Variants in PCNX2 observed in about 807,000 individuals in gnomAD.
PCNX2 encodes the protein pecanex-like protein 2.
In PCNX2, 168 loss-of-function variants were observed where a neutral mutation model predicts 223.8. The observed-to-expected ratio is 0.75, with a 90% CI of 0.66 to 0.85. The LOEUF (loss-of-function observed/expected upper bound fraction) is 0.85, where lower values mean the gene tolerates loss of function less well. Among genes scored for constraint, PCNX2 ranks in the 40% least tolerant of loss-of-function variants. The probability of loss-of-function intolerance (pLI) is 0.00; values close to 1 mark genes in which losing one functional copy is unlikely to be tolerated. For synonymous variants in PCNX2, 1,006 were observed against 1,052.6 expected (o/e 0.96, Z 0.86); for missense variants, 2,507 against 2,675.5 (o/e 0.94, Z 1.39).
intron 12 of PCNX2, among the ~76,000 whole-genome samples, chr1:233,213,601 T>C (rs2102920478): frequency 6.6e-6 from 1 of 152,266 alleles, no homozygotes; most frequent in East Asian, 1.9e-4. Flanking sequence ...CAATAATTTC[T>C]ACATAACCTG....
At chr1:233,074,713 T>A (rs1673018096) in intron 23 of PCNX2, among the ~76,000 whole-genome samples, 1 of 150,698 alleles carries the variant, frequency 6.6e-6, no homozygotes, top group Admixed American at 6.6e-5. Context: ...GGTAAGAAAT[T>A]CTCAAAATTC....
At chr1:233,296,030 C>G (rs1358737047), upstream of PCNX2, among the ~76,000 whole-genome samples, 5 of 145,376 alleles carry the variant, frequency 3.4e-5, no homozygotes, top group African/African-American at 1.3e-4. Flanking sequence ...TCCCCTCTTC[C>G]CTTCCCCTTC....
chr1:233,294,427 A>G (rs1396654254), intron 1 of PCNX2, among the ~76,000 whole-genome samples: 1 of 152,204 alleles, frequency 6.6e-6, no homozygotes, highest in Non-Finnish European at 1.5e-5. Flanking sequence ...CACTGCCGGA[A>G]AAAGAGTAAA....
chr1:233,186,454 G>A (rs560079653), intron 15 of PCNX2, among the ~76,000 whole-genome samples: 44 of 152,160 alleles, frequency 2.9e-4, no homozygotes, highest in Non-Finnish European at 5.3e-4. Context: ...CACGGCCTGC[G>A]GAGTGTCATG....
upstream of PCNX2, among the ~76,000 whole-genome samples, chr1:233,298,003 T>C (rs888382108): frequency 2.6e-5 from 4 of 152,168 alleles, no homozygotes; most frequent in Admixed American, 2.6e-4. Flanking sequence ...AGATTAGCAG[T>C]GAAAGATGAC....
intron 25 of PCNX2, among the ~76,000 whole-genome samples, chr1:233,051,679 A>G (rs1287979735): frequency 6.6e-6 from 1 of 152,158 alleles, no homozygotes; most frequent in African/African-American, 2.4e-5. Flanking sequence ...GCAACAATAG[A>G]CACTGGGGAC....
chr1:233,172,223 G>A (rs1263899944), intron 17 of PCNX2, among the ~76,000 whole-genome samples: 1 of 152,060 alleles, frequency 6.6e-6, no homozygotes. Context: ...TCCAAGTTTA[G>A]GTTAAAATTT....
chr1:233,212,573 G>T (rs1328929374), intron 12 of PCNX2, among the ~76,000 whole-genome samples: 1 of 152,156 alleles, frequency 6.6e-6, no homozygotes, highest in Non-Finnish European at 1.5e-5. Flanking sequence ...AGTGAAATGG[G>T]TATCAAAGTG....
At chr1:233,200,070 C>T (rs1680974807) in intron 14 of PCNX2, 84 bp downstream of exon 14, 2 of 1,088,288 alleles carry the variant, frequency 1.8e-6, no homozygotes, top group South Asian at 3.3e-5. Flanking sequence ...ACCTAACTAG[C>T]CTCTCATCTC....
Position 233,189,493 on chromosome 1 carries a change from G to A in PCNX2, c.3066+9446C>T, listed in dbSNP as rs116639162. On this transcript the variant is annotated intron_variant, in intron 15 of 33. Transcript: ENST00000258229. ...TAAATTACTTAATCTCTCTTTGGAT[G>A]TTCACTTCCTCATTTTAAATAATAA... Among the ~76,000 whole-genome samples the A allele has an allele frequency of 6.6e-3, 1,000 of 152,216 alleles. 5 individuals are homozygous for A. Among genetic ancestry groups the A allele is most frequent in the Non-Finnish European group, 8.4e-3 (571 of 68,024 alleles).
At chr1:233,129,759 A>G (rs1025079267) in intron 21 of PCNX2, among the ~76,000 whole-genome samples, 1 of 152,230 alleles carries the variant, frequency 6.6e-6, no homozygotes, top group Non-Finnish European at 1.5e-5. Flanking sequence ...AAACACACCA[A>G]TCAGCACCCT....
At chr1:233,226,428 C>A (rs1657724594) in intron 10 of PCNX2, among the ~76,000 whole-genome samples, 1 of 152,112 alleles carries the variant, frequency 6.6e-6, no homozygotes, top group Non-Finnish European at 1.5e-5. Context: ...CACCACCACA[C>A]CCGGCTAATT....
At chr1:233,235,957 A>AAAAT (rs369886650) in intron 9 of PCNX2, among the ~76,000 whole-genome samples, 301 of 93,094 alleles carry the variant, frequency 3.2e-3, no homozygotes, top group East Asian at 7.5e-3. Context: ...CATAAAAAAA[A>AAAAT]ATATATATAT....
chr1:233,249,392 T>G (rs903510687), intron 8 of PCNX2, among the ~76,000 whole-genome samples: 7 of 152,228 alleles, frequency 4.6e-5, no homozygotes, highest in Non-Finnish European at 8.8e-5. Flanking sequence ...TGCGTTCTCA[T>G]GCAATTACAT....
intron 21 of PCNX2, among the ~76,000 whole-genome samples, chr1:233,101,525 G>C (rs1674483993): frequency 6.6e-6 from 1 of 152,158 alleles, no homozygotes; most frequent in African/African-American, 2.4e-5. Flanking sequence ...CCATTAAATA[G>C]CATCCATCAG....
intron 25 of PCNX2, among the ~76,000 whole-genome samples, chr1:233,030,564 A>G (rs187215887): frequency 6.6e-6 from 1 of 152,272 alleles, no homozygotes; most frequent in Admixed American, 6.5e-5. Context: ...TCAGGAAGTT[A>G]ATTTATCTGC....
intron 8 of PCNX2, among the ~76,000 whole-genome samples, chr1:233,248,051 A>C (rs1435318666): frequency 6.6e-6 from 1 of 152,166 alleles, no homozygotes; most frequent in Non-Finnish European, 1.5e-5. Flanking sequence ...CCATTGGAGC[A>C]TTCACACATG....
At chr1:233,113,941 T>G (rs1315805750) in intron 21 of PCNX2, among the ~76,000 whole-genome samples, 1 of 152,208 alleles carries the variant, frequency 6.6e-6, no homozygotes, top group Non-Finnish European at 1.5e-5. Flanking sequence ...ATATTCAACA[T>G]TCCGGAGTTT....
intron 28 of PCNX2, 95 bp downstream of exon 28, chr1:233,014,567 GTCC>G: frequency 1.1e-6 from 1 of 895,936 alleles, no homozygotes; most frequent in Admixed American, 2.2e-5. Flanking sequence ...AGTATAATAA[GTCC>G]AGCTTCAAAA....
Sources: allele counts gnomAD v4.1 joint callset (sites outside exome capture counted in the v4.1 genomes callset), GRCh38; gene constraint gnomAD v4.1.1; transcripts MANE v1.5; gene names NCBI Gene and HGNC (gene_info 2026-07-23, HGNC 2026-07-21).